Variants in ERBB4 observed in about 807,000 individuals in gnomAD.
The protein encoded by ERBB4 is erb-b2 receptor tyrosine kinase 4.
Under a neutral mutation model 158.0 loss-of-function variants are expected in ERBB4, and 42 were observed. The ratio of observed to expected loss-of-function variants is 0.27; its 90% CI spans 0.21 to 0.34. The LOEUF is 0.34. Among genes scored for constraint, ERBB4 ranks in the 10% least tolerant of loss-of-function variants. The pLI, the probability that ERBB4 is intolerant of heterozygous loss-of-function variation, is 1.00. For missense variants in ERBB4, 1,333 were observed against 1,624.1 expected (o/e 0.82, Z 3.08); for synonymous variants, 583 against 558.7 (o/e 1.04, Z -0.61).
chr2:212,144,225 A>G (rs561350617), intron 1 of ERBB4, among the ~76,000 whole-genome samples: 133 of 152,222 alleles, frequency 8.7e-4, no homozygotes, highest in African/African-American at 3.2e-3. Context: ...TACTCACATT[A>G]ATACACGTAT....
intron 1 of ERBB4, among the ~76,000 whole-genome samples, chr2:212,181,281 T>G (rs1479410404): frequency 6.6e-6 from 1 of 151,736 alleles, no homozygotes; most frequent in African/African-American, 2.4e-5. Context: ...ACACATCAAA[T>G]AGCCATCACA....
At chr2:212,100,658 C>G (rs753383315) in intron 2 of ERBB4, among the ~76,000 whole-genome samples, 1 of 151,974 alleles carries the variant, frequency 6.6e-6, no homozygotes, top group Non-Finnish European at 1.5e-5. Context: ...GGGGAATGGC[C>G]AAATAAATTT....
intron 19 of ERBB4, among the ~76,000 whole-genome samples, chr2:211,568,877 AT>A (rs1307838180): frequency 6.6e-6 from 1 of 152,124 alleles, no homozygotes; most frequent in Non-Finnish European, 1.5e-5. Context: ...GTCCATAATA[AT>A]TTTTTTACTA....
chr2:211,810,311 T>C (rs191725542), intron 3 of ERBB4, among the ~76,000 whole-genome samples: 12 of 152,290 alleles, frequency 7.9e-5, no homozygotes, highest in Admixed American at 3.3e-4. Flanking sequence ...CCCATTATTA[T>C]TGTGTGGGAG....
chr2:212,138,975 C>G (rs2080358712), intron 1 of ERBB4, among the ~76,000 whole-genome samples: 1 of 152,024 alleles, frequency 6.6e-6, no homozygotes, highest in South Asian at 2.1e-4. Flanking sequence ...ACTTCACACT[C>G]CTATGGGTAA....
At chr2:211,856,068 G>A (rs1159910266) in intron 3 of ERBB4, among the ~76,000 whole-genome samples, 1 of 152,150 alleles carries the variant, frequency 6.6e-6, no homozygotes, top group African/African-American at 2.4e-5. Flanking sequence ...CCACTACACA[G>A]TGTACCCATG....
chr2:211,821,087 T>G (rs1290517051), intron 3 of ERBB4, among the ~76,000 whole-genome samples: 1 of 151,672 alleles, frequency 6.6e-6, no homozygotes, highest in Non-Finnish European at 1.5e-5. Context: ...ACATCCAAAC[T>G]GGAAAAGAGG....
intron 2 of ERBB4, among the ~76,000 whole-genome samples, chr2:212,010,011 A>G (rs2076347050): frequency 6.6e-6 from 1 of 152,164 alleles, no homozygotes; most frequent in South Asian, 2.1e-4. Context: ...AAAATCCTCA[A>G]TCAATTCTTG....
At chr2:211,707,191 A>T (rs1358621292) in intron 9 of ERBB4, among the ~76,000 whole-genome samples, 3 of 152,152 alleles carry the variant, frequency 2.0e-5, no homozygotes, top group Admixed American at 6.5e-5. Flanking sequence ...AATGAAATGA[A>T]TTCTGGAATG....
intron 3 of ERBB4, among the ~76,000 whole-genome samples, chr2:211,820,782 C>T (rs1332306951): frequency 6.6e-6 from 1 of 151,782 alleles, no homozygotes; most frequent in African/African-American, 2.4e-5. Context: ...GATAGGTCAA[C>T]ACACAAAAAT....
At chr2:211,876,615 A>G (rs902264743) in intron 3 of ERBB4, among the ~76,000 whole-genome samples, 1 of 152,212 alleles carries the variant, frequency 6.6e-6, no homozygotes, top group East Asian at 1.9e-4. Context: ...GTGAAGTTCA[A>G]GAACACATAA....
intron 2 of ERBB4, among the ~76,000 whole-genome samples, chr2:211,971,116 T>C (rs1248979952): frequency 6.6e-6 from 1 of 152,190 alleles, no homozygotes; most frequent in Non-Finnish European, 1.5e-5. Context: ...AAGGATCTTA[T>C]TTCTCTTTTG....
intron 2 of ERBB4, among the ~76,000 whole-genome samples, chr2:212,001,878 TATA>T (rs1402613764): frequency 1.3e-5 from 2 of 152,184 alleles, no homozygotes; most frequent in African/African-American, 4.8e-5. Flanking sequence ...AATTTGCACG[TATA>T]ATGTTTCAAT....
intron 20 of ERBB4, among the ~76,000 whole-genome samples, chr2:211,558,295 C>T (rs1190714117): frequency 1.3e-5 from 2 of 152,126 alleles, no homozygotes; most frequent in Non-Finnish European, 2.9e-5. Context: ...TTCCTCAATG[C>T]ATGGTCCCTT....
chr2:212,137,982 G>A (rs185746273), intron 1 of ERBB4, among the ~76,000 whole-genome samples: 1 of 152,142 alleles, frequency 6.6e-6, no homozygotes, highest in African/African-American at 2.4e-5. Flanking sequence ...AATACATGGT[G>A]CTCTGGGTTA....
rs149448657 is a variant in ERBB4, at chr2:211,777,036, A to G, written c.556+10989T>C. ...TTTGGGGTTTGGCAAGGGTACATTT[A>G]CCTAGGTTGATGGTAAAGGCAGAGA... On this transcript the variant is annotated intron_variant, in intron 4 of 27. Coordinates refer to ENST00000342788, the MANE Select transcript of ERBB4 (RefSeq NM_005235.3). Among the ~76,000 whole-genome samples the G allele has an allele frequency of 2.4e-4, 36 of 152,214 alleles. No homozygotes were observed. The South Asian group carries it at 4.1e-3, about 18-fold the overall frequency.
At chr2:211,405,504 T>C (rs1218172056) in intron 25 of ERBB4, among the ~76,000 whole-genome samples, 1 of 152,172 alleles carries the variant, frequency 6.6e-6, no homozygotes. Context: ...TTATCTTCCA[T>C]AATCTCTGTG....
chr2:212,202,225 T>C (rs1311928629), intron 1 of ERBB4, among the ~76,000 whole-genome samples: 1 of 152,212 alleles, frequency 6.6e-6, no homozygotes, highest in Non-Finnish European at 1.5e-5. Flanking sequence ...TAACTTTCTT[T>C]GGTTTTATCA....
rs191905098 is a variant in ERBB4 at position 212,431,770 on chromosome 2, T to C, written c.82+106679A>G. Among the ~76,000 whole-genome samples the C allele has an allele frequency of 3.9e-5, 6 of 152,312 alleles. No homozygotes were observed. In the East Asian group the frequency reaches 1.2e-3, roughly 29 times the overall value. Reference sequence around the variant, plus strand: ...GTCATCACAGGGCCTTCATACTTGCTGTTTGATTAGTCTGCACCATGCTTT... The same window carrying C: ...GTCATCACAGGGCCTTCATACTTGCCGTTTGATTAGTCTGCACCATGCTTT... On this transcript the variant is annotated intron_variant, in intron 1 of 27. Coordinates refer to ENST00000342788, the MANE Select transcript of ERBB4 (RefSeq NM_005235.3).
Sources: gnomAD v4.1 joint callset for allele counts (sites outside exome capture counted in the v4.1 genomes callset) on GRCh38, gnomAD v4.1.1 for gene constraint, MANE v1.5 for transcripts, NCBI Gene and HGNC (gene_info 2026-07-23, HGNC 2026-07-21) for gene names.